The following COL23A1 variants were observed in gnomAD, a reference collection of about 807,000 sequenced individuals.
The protein encoded by COL23A1 is collagen type XXIII alpha 1 chain, also known as collagen alpha-1(XXIII) chain.
Under a neutral mutation model 99.3 loss-of-function variants are expected in COL23A1, and 97 were observed. That is an observed-to-expected ratio of 0.98 (90% CI 0.83 to 1.16). The LOEUF is 1.16. COL23A1 is among the 50% of genes most tolerant of loss of function. The probability of loss-of-function intolerance (pLI) is 0.00; values close to 1 mark genes in which losing one functional copy is unlikely to be tolerated. For synonymous variants in COL23A1, 320 were observed against 308.2 expected (o/e 1.04, Z -0.40); for missense variants, 762 against 757.4 (o/e 1.01, Z -0.07).
Position 178,473,787 on chromosome 5 carries a change from G to A in COL23A1, c.361+86895C>T, listed in dbSNP as rs145843451. Among the ~76,000 whole-genome samples the A allele has an allele frequency of 5.8e-4, 88 of 152,180 alleles. No homozygotes were observed. In the East Asian group the frequency reaches 0.016, roughly 27 times the overall value. On this transcript the variant is annotated intron_variant, in intron 2 of 28. Transcript: ENST00000390654. The stretch of plus-strand genomic sequence containing the variant: ...CTCACTGAGTGGGCCTCTCATGAAC[G>A]CTGACACTGTCATCCAGCACCCCTA...
chr5:178,566,305 A>G (rs1762838989), intron 1 of COL23A1, among the ~76,000 whole-genome samples: 1 of 152,148 alleles, frequency 6.6e-6, no homozygotes, highest in South Asian at 2.1e-4. Context: ...GGGATGATGG[A>G]CCCATGATTA....
At chr5:178,547,918 C>G (rs1240734101) in intron 2 of COL23A1, among the ~76,000 whole-genome samples, 1 of 23,886 alleles carries the variant, frequency 4.2e-5, no homozygotes, top group Non-Finnish European at 8.6e-5. Flanking sequence ...ACATCCCACA[C>G]GCACACTTAC....
intron 2 of COL23A1, among the ~76,000 whole-genome samples, chr5:178,472,631 C>T (rs1399478777): frequency 6.6e-6 from 1 of 151,308 alleles, no homozygotes; most frequent in Non-Finnish European, 1.5e-5. Flanking sequence ...AATTTCCACC[C>T]CTTAAAGGTA....
chr5:178,404,665 C>T (rs1764657754), intron 2 of COL23A1, among the ~76,000 whole-genome samples: 1 of 136,498 alleles, frequency 7.3e-6, no homozygotes, highest in South Asian at 2.4e-4. Flanking sequence ...GACCAATGGT[C>T]CTGCAAGGGG....
At chr5:178,277,332 C>T (rs1309025733) in intron 5 of COL23A1, among the ~76,000 whole-genome samples, 2 of 152,266 alleles carry the variant, frequency 1.3e-5, no homozygotes, top group South Asian at 2.1e-4. Flanking sequence ...CACCACTACA[C>T]TCCGGCCTGG....
intron 28 of COL23A1, 144 bp from the exon 29 acceptor site, chr5:178,238,844 C>T (rs2127518928): frequency 2.6e-6 from 3 of 1,170,368 alleles, no homozygotes; most frequent in East Asian, 4.7e-5. Flanking sequence ...CCAGTTGGGA[C>T]AATATCCCAG....
At chr5:178,552,542 A>G (rs1364843270) in intron 2 of COL23A1, among the ~76,000 whole-genome samples, 3 of 152,054 alleles carry the variant, frequency 2.0e-5, no homozygotes, top group Admixed American at 6.6e-5. Context: ...TCTATAAAAA[A>G]TAATCCCAAA....
intron 2 of COL23A1, among the ~76,000 whole-genome samples, chr5:178,436,315 A>T (rs931040315): frequency 6.6e-6 from 1 of 151,664 alleles, no homozygotes; most frequent in South Asian, 2.1e-4. Context: ...AAGACCAGAG[A>T]GGAGGCTGCC....
chr5:178,559,972 G>A (rs1379023107), intron 2 of COL23A1, among the ~76,000 whole-genome samples: 1 of 152,054 alleles, frequency 6.6e-6, no homozygotes, highest in Non-Finnish European at 1.5e-5. Context: ...TCATCCACTG[G>A]TATCAGACAC....
In COL23A1 at chr5:178,264,128, G is replaced by A. The variant is rs114886344; in HGVS notation, c.523-804C>T. Among the ~76,000 whole-genome samples, 520 of 152,198 alleles carry A rather than the reference G, an allele frequency of 3.4e-3. 7 individuals are homozygous for A. The highest frequency in any genetic ancestry group is 0.012 in the African/African-American group (491 of 41,498). The stretch of plus-strand genomic sequence containing the variant: ...TGTGGGCTTACACAAATCGACGGGT[G>A]TGTTAAAATTGCACAGAACACACAA... On this transcript the variant is annotated intron_variant, in intron 8 of 28. Transcript: ENST00000390654.
At chr5:178,353,907 A>G (rs1442827388) in intron 2 of COL23A1, among the ~76,000 whole-genome samples, 1 of 151,754 alleles carries the variant, frequency 6.6e-6, no homozygotes, top group African/African-American at 2.4e-5. Flanking sequence ...GAAACAAGAG[A>G]CAAAACTGTG....
chr5:178,305,685 A>G (rs966118867), intron 3 of COL23A1, among the ~76,000 whole-genome samples: 1 of 152,152 alleles, frequency 6.6e-6, no homozygotes, highest in Admixed American at 6.5e-5. Context: ...GCGGGAAGAC[A>G]TAAGAGTGAA....
At chr5:178,256,449 A>C in intron 14 of COL23A1, 52 bp from the exon 15 acceptor site, 1 of 1,519,520 alleles carries the variant, frequency 6.6e-7, no homozygotes, top group South Asian at 1.2e-5. Context: ...GCCAAAACAC[A>C]CCTCCCACGA....
chr5:178,475,626 T>A (rs1756986916), intron 2 of COL23A1, among the ~76,000 whole-genome samples: 1 of 152,236 alleles, frequency 6.6e-6, no homozygotes, highest in South Asian at 2.1e-4. Context: ...CAAATTGCCA[T>A]AAACTCAGCA....
At chr5:178,342,853 C>T (rs999342370) in intron 2 of COL23A1, among the ~76,000 whole-genome samples, 2 of 151,992 alleles carry the variant, frequency 1.3e-5, no homozygotes, top group African/African-American at 4.8e-5. Context: ...AAAATCTATA[C>T]TGCAACACAT....
chr5:178,485,535 G>A (rs1757577203), intron 2 of COL23A1, among the ~76,000 whole-genome samples: 1 of 150,890 alleles, frequency 6.6e-6, no homozygotes, highest in Non-Finnish European at 1.5e-5. Flanking sequence ...CACTTTGGGA[G>A]GCCAAGGTGG....
chr5:178,513,682 G>A (rs1297179143), intron 2 of COL23A1, among the ~76,000 whole-genome samples: 3 of 151,676 alleles, frequency 2.0e-5, no homozygotes, highest in African/African-American at 4.8e-5. Flanking sequence ...TGCAAAAGTC[G>A]GTTCCTATGG....
Position 178,562,564 on chromosome 5 carries a change from GAA to G in COL23A1, c.295-1818_295-1817del, listed in dbSNP as rs746935339. On this transcript the variant is annotated intron_variant, in intron 1 of 28. Transcript: ENST00000390654. ...AGAGACTCCGTCTCAAATAAAAAAA[GAA>G]AAAAAAAAAAAAAAAGAATGGAGCC... The G allele has an allele frequency of 4.2e-3, 483 of 115,706 alleles. 3 individuals carry two copies. Among genetic ancestry groups the G allele is most frequent in the African/African-American group, 0.013 (420 of 32,914 alleles). The allele number at this position is 115,706 out of a possible 1,614,324, so 7.2% of individuals were successfully genotyped here.
At chr5:178,470,100 GC>G (rs1464117497) in intron 2 of COL23A1, among the ~76,000 whole-genome samples, 3 of 152,206 alleles carry the variant, frequency 2.0e-5, no homozygotes, top group Non-Finnish European at 2.9e-5. Flanking sequence ...ACACTGAGAG[GC>G]TCAGCCTGCA....
Sources: allele counts gnomAD v4.1 joint callset (sites outside exome capture counted in the v4.1 genomes callset), GRCh38; gene constraint gnomAD v4.1.1; transcripts MANE v1.5; gene names NCBI Gene and HGNC (gene_info 2026-07-23, HGNC 2026-07-21).